ZNF682: variants seen among roughly 807,000 people sequenced by gnomAD.
ZNF682 encodes zinc finger protein 682.
In ZNF682, 29 loss-of-function variants were observed where a neutral mutation model predicts 36.5. That is an observed-to-expected ratio of 0.80 (90% confidence interval 0.59 to 1.08). The LOEUF (loss-of-function observed/expected upper bound fraction) is 1.08. Ranked by LOEUF, ZNF682 falls within the 50% of genes least tolerant of loss-of-function variation. The pLI is 0.00. For synonymous variants in ZNF682, 180 were observed against 197.0 expected (o/e 0.91, Z 0.72); for missense variants, 561 against 579.7 (o/e 0.97, Z 0.33).
rs369988011 is a variant in ZNF682, at chr19:20,007,031, T to C, written c.471A>G (p.Ser157=). The change falls in exon 4 of 4, where the codon TCA becomes TCG. Residue 157 remains serine (S), a synonymous_variant. Coordinates refer to ENST00000397165, the MANE Select transcript of ZNF682 (RefSeq NM_033196.3). ...YNKCVKVFSK[S]SNLNRENIRH... ...TTATGTTTTCTCTATTTAGATTTGA[T>C]GATTTACTAAAGACTTTCACACATT... is the stretch of plus-strand genomic sequence containing the variant. The C allele has an allele frequency of 5.6e-6, 9 of 1,613,390 alleles. No homozygotes were observed. Among genetic ancestry groups the C allele is most frequent in the African/African-American group, 5.3e-5 (4 of 74,926 alleles).
chr19:20,035,525 A>G (rs2088521247), intron 1 of ZNF682, among the ~76,000 whole-genome samples: 1 of 152,054 alleles, frequency 6.6e-6, no homozygotes, highest in South Asian at 2.1e-4. Context: ...CACCTGGCCT[A>G]TTTTCTTTTG....
chr19:20,039,262 C>T, intron 1 of ZNF682, 81 bp downstream of exon 1: 2 of 1,591,658 alleles, frequency 1.3e-6, no homozygotes, highest in Non-Finnish European at 1.7e-6. Context: ...AGCTGGGAGG[C>T]CCCAGTCCCG....
chr19:20,000,640 A>G (rs1247538213), downstream of ZNF682, among the ~76,000 whole-genome samples: 3 of 152,158 alleles, frequency 2.0e-5, no homozygotes, highest in African/African-American at 2.4e-5. Flanking sequence ...GACGAAGTTT[A>G]TCTACTCAGA....
chr19:20,014,129 G>C (rs1042354974), intron 3 of ZNF682, among the ~76,000 whole-genome samples: 14 of 151,996 alleles, frequency 9.2e-5, no homozygotes. Context: ...AAAAAGCAAT[G>C]CCCAAATCAA....
chr19:20,025,505 A>C (rs1313619836), intron 1 of ZNF682, among the ~76,000 whole-genome samples: 1 of 151,900 alleles, frequency 6.6e-6, no homozygotes, highest in Admixed American at 6.6e-5. Context: ...GTGAAACTCC[A>C]TCTTTACTAA....
In ZNF682 at chr19:20,006,338, C is replaced by T. The variant is rs200649649; in HGVS notation, c.1164G>A (p.Lys388=). 13 of 1,613,454 alleles carry T rather than the reference C, an allele frequency of 8.1e-6. No individual in the cohort carries two copies. Among genetic ancestry groups the T allele is most frequent in the Non-Finnish European group, 8.5e-6 (10 of 1,179,960 alleles). Residue 388 remains lysine, a synonymous_variant, in exon 4 of 4, where the codon AAG becomes AAA. Transcript: ENST00000397165. ...AGGGTTTCTCTCCAGTGTGAATTCT[C>T]TTGTGTTTAGTAAGGTATGAGAACC... is the stretch of plus-strand genomic sequence containing the variant. ...FKRFSYLTKH[K]RIHTGEKPYK... is the part of the protein sequence containing the mutation.
intron 3 of ZNF682, among the ~76,000 whole-genome samples, chr19:20,020,217 G>T (rs2088371977): frequency 6.6e-6 from 1 of 152,106 alleles, no homozygotes; most frequent in African/African-American, 2.4e-5. Context: ...ATAAAATTAG[G>T]CCAAGCACAG....
intron 3 of ZNF682, among the ~76,000 whole-genome samples, chr19:20,016,515 T>A (rs907246844): frequency 6.6e-6 from 1 of 151,902 alleles, no homozygotes; most frequent in Non-Finnish European, 1.5e-5. Flanking sequence ...AAGTATTTTT[T>A]AAAAAAACAA....
In ZNF682 at chr19:20,005,764, G is replaced by A. The variant is rs2088208847; in HGVS notation, c.*241C>T. The A allele has an allele frequency of 4.0e-6, 2 of 495,006 alleles. No individual in the cohort carries two copies. The highest frequency in any genetic ancestry group is 3.4e-5 in the South Asian group (1 of 29,840). 30.7% of individuals were successfully genotyped at this position (495,006 alleles called of 1,614,324 possible). ...TTTTATCTAGCACAAAACCTCTGAT[G>A]AGTAAGTTCATAGTAGTTATTAAAT... On this transcript the variant is annotated 3_prime_UTR_variant, in exon 4 of 4. Coordinates refer to ENST00000397165, the MANE Select transcript of ZNF682 (RefSeq NM_033196.3).
intron 1 of ZNF682, among the ~76,000 whole-genome samples, chr19:20,038,006 A>C (rs1440568041): frequency 6.6e-6 from 1 of 152,088 alleles, no homozygotes; most frequent in Non-Finnish European, 1.5e-5. Flanking sequence ...TTCACTAGAC[A>C]CCTCAGGAGA....
chr19:20,027,550 G>A (rs755581210), intron 1 of ZNF682, among the ~76,000 whole-genome samples: 1 of 152,092 alleles, frequency 6.6e-6, no homozygotes, highest in Non-Finnish European at 1.5e-5. Context: ...ATCTGAGATC[G>A]GGAGTTTGTG....
intron 3 of ZNF682, among the ~76,000 whole-genome samples, chr19:19,998,824 C>T (rs1307800290): frequency 1.3e-5 from 2 of 151,962 alleles, no homozygotes; most frequent in African/African-American, 4.8e-5. Context: ...GAATACAGTA[C>T]AGAAATAGAT....
chr19:20,006,004 C>T lies in ZNF682; in HGVS notation c.*1G>A. 4 of 1,562,718 alleles carry T rather than the reference C, an allele frequency of 2.6e-6. No individual in the cohort carries two copies. The highest frequency in any genetic ancestry group is 3.5e-6 in the Non-Finnish European group (4 of 1,156,174). On this transcript the variant is annotated 3_prime_UTR_variant, in exon 4 of 4. Transcript: ENST00000397165. ...GTAGGATTTCTCTTTAGTAAAAATT[C>T]TTACGTAGTAAGGTTTGAGCAGTGA...
intron 3 of ZNF682, among the ~76,000 whole-genome samples, chr19:20,016,056 A>AC (rs570561547): frequency 2.6e-5 from 4 of 152,296 alleles, no homozygotes; most frequent in Non-Finnish European, 5.9e-5. Context: ...CAAGCCTGTA[A>AC]CCCTAGCACT....
At chr19:20,039,193 G>A (rs546027474) in intron 1 of ZNF682, 150 bp downstream of exon 1, 22 of 1,423,734 alleles carry the variant, frequency 1.5e-5, no homozygotes, top group East Asian at 1.5e-4. Context: ...GTGCCCGGAG[G>A]TGATCGACGG....
intron 1 of ZNF682, 181 bp downstream of exon 1, chr19:20,039,159 GGCT>G: frequency 7.2e-7 from 1 of 1,397,988 alleles, no homozygotes; most frequent in Non-Finnish European, 9.3e-7. Flanking sequence ...CCAGGGTCCC[GGCT>G]GCTGGCCCAC....
intron 1 of ZNF682, chr19:20,034,126 A>C (rs1470833856): frequency 6.5e-6 from 1 of 152,714 alleles, no homozygotes; most frequent in Non-Finnish European, 1.5e-5. Context: ...AGTGAGCAAG[A>C]AAAAATTCCC....
chr19:20,007,587 G>T, intron 3 of ZNF682: 1 of 269,758 alleles, frequency 3.7e-6, no homozygotes, highest in Non-Finnish European at 6.9e-6. Context: ...GAAGGGATAT[G>T]TGAAGAAACC....
chr19:20,034,605 C>CT (rs2088510612), intron 1 of ZNF682, among the ~76,000 whole-genome samples: 19 of 151,222 alleles, frequency 1.3e-4, no homozygotes, highest in Admixed American at 1.3e-3. Flanking sequence ...ATGGTGAAAC[C>CT]ACCTCTCTAC....
Sources: gnomAD v4.1 joint callset for allele counts (sites outside exome capture counted in the v4.1 genomes callset) on GRCh38, gnomAD v4.1.1 for gene constraint, MANE v1.5 for transcripts, NCBI Gene and HGNC (gene_info 2026-07-23, HGNC 2026-07-21) for gene names.